DPP10: variants seen among roughly 807,000 people sequenced by gnomAD.
DPP10 encodes dipeptidyl peptidase like 10.
In DPP10, 33 loss-of-function variants were observed where a neutral mutation model predicts 120.9. The ratio of observed to expected loss-of-function variants is 0.27; its 90% confidence interval spans 0.21 to 0.37. DPP10 has a LOEUF of 0.37. DPP10 is among the 10% of genes least tolerant of loss of function. The probability of loss-of-function intolerance (pLI) is 1.00; values close to 1 mark genes in which losing one functional copy is unlikely to be tolerated. For synonymous variants in DPP10, 337 were observed against 326.1 expected (o/e 1.03, Z -0.36); for missense variants, 816 against 942.8 (o/e 0.87, Z 1.76).
Position 114,521,251 on chromosome 2 carries a change from GACACACACACACAC to G in DPP10, c.60+78437_60+78450del, listed in dbSNP as rs60539029. ...CTAATCTGTCTCTCTCACATGCACAGACACACACACACACACACACACACACACACACACACAAA... is the reference window on the plus strand; with the variant it reads ...CTAATCTGTCTCTCTCACATGCACAGACACACACACACACACACACACAAA... On this transcript the variant is annotated intron_variant, in intron 1 of 25. Transcript: ENST00000410059. Among the ~76,000 whole-genome samples, 7 of 144,614 alleles carry G rather than the reference GACACACACACACAC, an allele frequency of 4.8e-5. No individual in the cohort carries two copies. In the South Asian group the frequency reaches 6.8e-4, roughly 14 times the overall value. The allele number at this position is 144,614 out of a possible 152,430, so 94.9% of individuals were successfully genotyped here.
chr2:115,358,686 G>A (rs184029058), intron 3 of DPP10, among the ~76,000 whole-genome samples: 18 of 152,178 alleles, frequency 1.2e-4, no homozygotes, highest in African/African-American at 4.1e-4. Context: ...CTGTTCTCAC[G>A]CTGCTATGAA....
intron 1 of DPP10, among the ~76,000 whole-genome samples, chr2:114,697,814 A>G (rs1231988964): frequency 1.3e-5 from 2 of 151,928 alleles, no homozygotes; most frequent in Non-Finnish European, 2.9e-5. Flanking sequence ...AGGAGGTTCA[A>G]CCAGAATCTA....
At chr2:115,483,843 G>A (rs952601309) in intron 3 of DPP10, among the ~76,000 whole-genome samples, 3 of 151,956 alleles carry the variant, frequency 2.0e-5, no homozygotes, top group Admixed American at 6.6e-5. Context: ...CTCCCAGGGC[G>A]TATATCTATA....
intron 3 of DPP10, among the ~76,000 whole-genome samples, chr2:115,484,258 T>C (rs1211918600): frequency 2.0e-5 from 3 of 151,738 alleles, no homozygotes; most frequent in Admixed American, 6.6e-5. Context: ...GGCAATTTTT[T>C]TTTTTTACAA....
At chr2:115,714,661 T>C (rs1481700670) in intron 7 of DPP10, among the ~76,000 whole-genome samples, 2 of 152,020 alleles carry the variant, frequency 1.3e-5, no homozygotes, top group Non-Finnish European at 2.9e-5. Context: ...ATACACAGCA[T>C]TTTCAACATG....
intron 3 of DPP10, among the ~76,000 whole-genome samples, chr2:115,345,301 A>G (rs1029253588): frequency 6.6e-6 from 1 of 152,180 alleles, no homozygotes; most frequent in African/African-American, 2.4e-5. Flanking sequence ...TTGCCTTTGT[A>G]CTGTGATTAT....
chr2:114,740,387 T>C (rs780881539), intron 1 of DPP10, among the ~76,000 whole-genome samples: 1 of 139,722 alleles, frequency 7.2e-6, no homozygotes, highest in Non-Finnish European at 1.5e-5. Context: ...GGGATAGCAT[T>C]AGGAGATATA....
chr2:115,531,104 G>A (rs1161033521), intron 5 of DPP10, among the ~76,000 whole-genome samples: 1 of 150,822 alleles, frequency 6.6e-6, no homozygotes, highest in African/African-American at 2.4e-5. Flanking sequence ...TCCTTTATTG[G>A]TGAAAATACA....
chr2:114,467,384 C>G (rs534861883), intron 1 of DPP10, among the ~76,000 whole-genome samples: 3 of 152,148 alleles, frequency 2.0e-5, no homozygotes, highest in Non-Finnish European at 2.9e-5. Context: ...CAGAAACATG[C>G]GTGCACATTT....
intron 1 of DPP10, among the ~76,000 whole-genome samples, chr2:114,974,417 CTTTT>C (rs36001857): frequency 2.3e-5 from 3 of 131,578 alleles, no homozygotes; most frequent in Admixed American, 8.0e-5. Context: ...CCTTTTTATC[CTTTT>C]TTTTTTTTTT....
intron 1 of DPP10, among the ~76,000 whole-genome samples, chr2:114,975,052 T>G (rs1699659850): frequency 6.6e-6 from 1 of 151,914 alleles, no homozygotes; most frequent in African/African-American, 2.4e-5. Flanking sequence ...CTTTTTTTTT[T>G]TTTTGAGATG....
intron 1 of DPP10, among the ~76,000 whole-genome samples, chr2:114,777,814 C>G (rs1217219519): frequency 6.6e-6 from 1 of 152,048 alleles, no homozygotes; most frequent in Non-Finnish European, 1.5e-5. Flanking sequence ...GCCGCAGAAC[C>G]AAGATGCTTT....
intron 5 of DPP10, among the ~76,000 whole-genome samples, chr2:115,676,528 A>G (rs2090275444): frequency 6.6e-6 from 1 of 152,186 alleles, no homozygotes; most frequent in Non-Finnish European, 1.5e-5. Context: ...CAGACATATT[A>G]AAATTGAAAA....
At chr2:114,935,763 T>C (rs909471865) in intron 1 of DPP10, among the ~76,000 whole-genome samples, 15 of 152,030 alleles carry the variant, frequency 9.9e-5, no homozygotes, top group Admixed American at 1.3e-4. Flanking sequence ...TGAGATAACA[T>C]GGCCTGAGGA....
intron 5 of DPP10, among the ~76,000 whole-genome samples, chr2:115,569,160 T>A (rs2149082697): frequency 6.6e-6 from 1 of 152,346 alleles, no homozygotes; most frequent in East Asian, 1.9e-4. Flanking sequence ...AATAACTGAA[T>A]TCATACAGCA....
chr2:115,512,037 C>T (rs894108941), intron 4 of DPP10, among the ~76,000 whole-genome samples: 1 of 151,630 alleles, frequency 6.6e-6, no homozygotes, highest in East Asian at 2.0e-4. Flanking sequence ...AGACTTCCTC[C>T]CTCCCTTCCC....
chr2:115,794,463 A>G (rs912737360), intron 19 of DPP10, among the ~76,000 whole-genome samples: 2 of 152,182 alleles, frequency 1.3e-5, no homozygotes, highest in African/African-American at 4.8e-5. Context: ...CTCAAACTTA[A>G]TCTCGTAACA....
At chr2:114,936,427 A>G (rs1696480931) in intron 1 of DPP10, among the ~76,000 whole-genome samples, 1 of 151,760 alleles carries the variant, frequency 6.6e-6, no homozygotes, top group Non-Finnish European at 1.5e-5. Context: ...ATATGTGCGT[A>G]TATATACACA....
intron 12 of DPP10, among the ~76,000 whole-genome samples, chr2:115,766,322 A>G (rs374740854): frequency 0.31 from 22,515 of 71,728 alleles, 3,359 homozygotes; most frequent in East Asian, 0.5. Flanking sequence ...ATATATATAT[A>G]TATGTATATA....
Sources: gnomAD v4.1 joint callset for allele counts (sites outside exome capture counted in the v4.1 genomes callset) on GRCh38, gnomAD v4.1.1 for gene constraint, MANE v1.5 for transcripts, NCBI Gene and HGNC (gene_info 2026-07-23, HGNC 2026-07-21) for gene names.